Variants in GPC5 observed in about 807,000 individuals in gnomAD.
GPC5 encodes glypican 5, also known as glypican-5.
In GPC5, 47 loss-of-function variants were observed where a neutral mutation model predicts 53.9. The observed-to-expected ratio is 0.87, with a 90% CI of 0.69 to 1.11. The LOEUF (loss-of-function observed/expected upper bound fraction) is 1.11. Ranked by LOEUF, GPC5 falls within the 50% of genes most tolerant of loss-of-function variation. The pLI is 0.00. For missense variants in GPC5, 748 were observed against 713.1 expected, an observed-to-expected ratio of 1.05 and a Z score of -0.56; for synonymous variants, 286 against 263.3, an observed-to-expected ratio of 1.09 and a Z score of -0.84.
At chr13:92,317,641 G>A (rs542149800) in intron 7 of GPC5, among the ~76,000 whole-genome samples, 8 of 149,588 alleles carry the variant, frequency 5.3e-5, no homozygotes, top group African/African-American at 2.0e-4. Context: ...TTACAGGCAT[G>A]CACAATCATG....
At chr13:92,719,553 A>C (rs1230335376) in intron 7 of GPC5, among the ~76,000 whole-genome samples, 2 of 152,160 alleles carry the variant, frequency 1.3e-5, no homozygotes, top group Non-Finnish European at 2.9e-5. Flanking sequence ...ACTATCAGAA[A>C]CCTATTTTAA....
chr13:92,283,022 A>T (rs372136866), intron 7 of GPC5, among the ~76,000 whole-genome samples: 4 of 152,336 alleles, frequency 2.6e-5, no homozygotes, highest in South Asian at 2.1e-4. Flanking sequence ...AGACACACAT[A>T]GGCTCAAAAT....
At chr13:92,527,174 GAA>G (rs1566276789) in intron 7 of GPC5, among the ~76,000 whole-genome samples, 4 of 52,340 alleles carry the variant, frequency 7.6e-5, no homozygotes, top group African/African-American at 2.5e-4. Context: ...GAAAGAAAGA[GAA>G]AGAAAGAAGA....
intron 4 of GPC5, among the ~76,000 whole-genome samples, chr13:91,733,914 A>G (rs1219780444): frequency 2.0e-5 from 3 of 152,194 alleles, no homozygotes; most frequent in African/African-American, 7.2e-5. Flanking sequence ...CCCATTTTCA[A>G]AGGGAATGCT....
intron 2 of GPC5, among the ~76,000 whole-genome samples, chr13:91,589,603 A>AT (rs1303817731): frequency 6.6e-6 from 1 of 152,100 alleles, no homozygotes; most frequent in African/African-American, 2.4e-5. Flanking sequence ...TTCCTTTATC[A>AT]TTCCCCCAAT....
chr13:92,061,006 A>G (rs2041118373), intron 6 of GPC5, among the ~76,000 whole-genome samples: 2 of 152,064 alleles, frequency 1.3e-5, no homozygotes, highest in Admixed American at 6.5e-5. Flanking sequence ...ACTGCAAAAC[A>G]TTAAAGACAC....
intron 6 of GPC5, among the ~76,000 whole-genome samples, chr13:92,038,604 G>A (rs957583492): frequency 1.3e-5 from 2 of 150,222 alleles, no homozygotes; most frequent in African/African-American, 4.9e-5. Flanking sequence ...ATAAACTCCT[G>A]TCTTATACAC....
At chr13:91,814,570 C>T (rs1189458387) in intron 5 of GPC5, among the ~76,000 whole-genome samples, 3 of 150,456 alleles carry the variant, frequency 2.0e-5, no homozygotes, top group Admixed American at 2.0e-4. Flanking sequence ...GACAGAGTTT[C>T]ACTCTCGTCA....
intron 5 of GPC5, among the ~76,000 whole-genome samples, chr13:91,782,801 C>G (rs755493922): frequency 3.3e-5 from 5 of 151,796 alleles, no homozygotes; most frequent in Non-Finnish European, 7.4e-5. Flanking sequence ...AGAATCAACT[C>G]CAGTTCCTAT....
At chr13:92,114,904 T>A (rs2041588349) in intron 6 of GPC5, among the ~76,000 whole-genome samples, 1 of 152,184 alleles carries the variant, frequency 6.6e-6, no homozygotes, top group Admixed American at 6.5e-5. Flanking sequence ...TTCTTGAGTT[T>A]TAAGATAATG....
chr13:91,490,399 T>A (rs985654759), intron 2 of GPC5, among the ~76,000 whole-genome samples: 6 of 152,252 alleles, frequency 3.9e-5, no homozygotes, highest in African/African-American at 1.2e-4. Context: ...TGATTTTGGA[T>A]CTTTGAGTTA....
intron 7 of GPC5, among the ~76,000 whole-genome samples, chr13:92,583,003 T>C (rs1883419319): frequency 6.6e-6 from 1 of 152,224 alleles, no homozygotes; most frequent in South Asian, 2.1e-4. Context: ...CTAACTGCTC[T>C]GGCTAGGACT....
intron 7 of GPC5, among the ~76,000 whole-genome samples, chr13:92,479,189 A>G (rs1469391359): frequency 6.6e-6 from 1 of 152,190 alleles, no homozygotes; most frequent in Non-Finnish European, 1.5e-5. Flanking sequence ...TGGGTTTAAC[A>G]TACTTCATCT....
chr13:91,576,223 T>C (rs1005504017), intron 2 of GPC5, among the ~76,000 whole-genome samples: 1 of 152,094 alleles, frequency 6.6e-6, no homozygotes, highest in Non-Finnish European at 1.5e-5. Context: ...ATGTATTGTA[T>C]GCTTGAAAAT....
chr13:91,897,857 C>T lies in GPC5; in HGVS notation c.1281-10080C>T, dbSNP rs545644048. ...TTTCTATTTGCTGTGTGGTGCAGTG[C>T]GACCACACAGTTCAGACACAACCTC... is the stretch of plus-strand genomic sequence containing the variant. On this transcript the variant is annotated intron_variant, in intron 5 of 7. Transcript: ENST00000377067. 1.1e-4 allele frequency among the ~76,000 whole-genome samples: 16 copies of T among 152,190 alleles called. 1 individual carries two copies. The South Asian group carries it at 2.3e-3, about 22-fold the overall frequency.
chr13:92,832,651 C>T (rs1037905260), intron 7 of GPC5, among the ~76,000 whole-genome samples: 4 of 152,060 alleles, frequency 2.6e-5, no homozygotes, highest in African/African-American at 9.7e-5. Flanking sequence ...ACTCCCTTAC[C>T]TCCTCATTTA....
intron 5 of GPC5, among the ~76,000 whole-genome samples, chr13:91,853,465 G>A (rs985871405): frequency 5.3e-5 from 8 of 151,928 alleles, no homozygotes; most frequent in Non-Finnish European, 7.4e-5. Flanking sequence ...GACACAATAA[G>A]ACTTTATGAT....
intron 2 of GPC5, among the ~76,000 whole-genome samples, chr13:91,580,287 T>G (rs1220076941): frequency 2.6e-5 from 4 of 152,154 alleles, no homozygotes; most frequent in Non-Finnish European, 4.4e-5. Flanking sequence ...CCTGACCCTG[T>G]GATCTGCCTG....
chr13:91,779,492 C>T (rs561109), intron 5 of GPC5, among the ~76,000 whole-genome samples: 46,107 of 151,792 alleles, frequency 0.3, 8,687 homozygotes, highest in African/African-American at 0.52. Context: ...TCCTGAGTAG[C>T]TGGGATAATA....
Sources: allele counts gnomAD v4.1 joint callset (sites outside exome capture counted in the v4.1 genomes callset), GRCh38; gene constraint gnomAD v4.1.1; transcripts MANE v1.5; gene names NCBI Gene and HGNC (gene_info 2026-07-23, HGNC 2026-07-21).